The following ROBO1 variants were observed in gnomAD, a reference collection of about 807,000 sequenced individuals.
The protein encoded by ROBO1 is roundabout homolog 1.
Under a neutral mutation model 195.9 loss-of-function variants are expected in ROBO1, and 149 were observed. The ratio of observed to expected loss-of-function variants is 0.76; its 90% confidence interval spans 0.67 to 0.87. ROBO1 has a LOEUF of 0.87. Ranked by LOEUF, ROBO1 falls within the 40% of genes least tolerant of loss-of-function variation. The pLI is 0.00. For missense variants in ROBO1, 1,933 were observed against 2,068.3 expected (o/e 0.93, Z 1.27); for synonymous variants, 816 against 733.2 (o/e 1.11, Z -1.82).
chr3:79,267,974 G>A (rs2030144495), intron 2 of ROBO1, among the ~76,000 whole-genome samples: 1 of 151,488 alleles, frequency 6.6e-6, no homozygotes, highest in Non-Finnish European at 1.5e-5. Flanking sequence ...CATCATCCAT[G>A]GGAAAATCAT....
At chr3:79,500,757 T>C (rs1159383606) in intron 2 of ROBO1, among the ~76,000 whole-genome samples, 1 of 152,188 alleles carries the variant, frequency 6.6e-6, no homozygotes, top group Non-Finnish European at 1.5e-5. Context: ...ACTTGCCTAC[T>C]TACCACTTTT....
intron 1 of ROBO1, among the ~76,000 whole-genome samples, chr3:79,745,536 G>C (rs1014353855): frequency 6.6e-6 from 1 of 152,186 alleles, no homozygotes. Context: ...TGTGGAGCCA[G>C]ACACAGCTAG....
intron 3 of ROBO1, among the ~76,000 whole-genome samples, chr3:79,088,009 G>T (rs1261455289): frequency 1.3e-5 from 2 of 152,016 alleles, no homozygotes; most frequent in Admixed American, 1.3e-4. Context: ...TTTTGGAAAG[G>T]AAAAAGGTTC....
At chr3:79,259,009 T>A (rs1209945818) in intron 2 of ROBO1, among the ~76,000 whole-genome samples, 1 of 152,136 alleles carries the variant, frequency 6.6e-6, no homozygotes, top group African/African-American at 2.4e-5. Context: ...ACCACATATA[T>A]AATTTGTTAA....
chr3:79,670,934 T>C (rs1946614468), intron 1 of ROBO1, among the ~76,000 whole-genome samples: 1 of 151,872 alleles, frequency 6.6e-6, no homozygotes. Context: ...TGTAATTGCT[T>C]TGAATAACTG....
chr3:79,287,771 G>A (rs1010042348), intron 2 of ROBO1, among the ~76,000 whole-genome samples: 5 of 152,110 alleles, frequency 3.3e-5, no homozygotes, highest in Admixed American at 3.3e-4. Flanking sequence ...AAAGAAAGGG[G>A]AAAATTTAAA....
chr3:79,077,106 T>A (rs1180872528), intron 3 of ROBO1, among the ~76,000 whole-genome samples: 1 of 151,896 alleles, frequency 6.6e-6, no homozygotes, highest in Non-Finnish European at 1.5e-5. Flanking sequence ...AACACATCCA[T>A]CAGCACTCAT....
chr3:79,584,769 AG>A (rs1272049521), intron 2 of ROBO1, among the ~76,000 whole-genome samples: 4 of 151,238 alleles, frequency 2.6e-5, no homozygotes, highest in Non-Finnish European at 5.9e-5. Context: ...CACCACAAGC[AG>A]AAGATCTCTT....
chr3:78,629,737 G>A (rs1436966544), intron 25 of ROBO1, among the ~76,000 whole-genome samples: 1 of 151,930 alleles, frequency 6.6e-6, no homozygotes, highest in Non-Finnish European at 1.5e-5. Flanking sequence ...CTGCAAATTC[G>A]CTGACTTGGT....
intron 11 of ROBO1, 52 bp from the exon 12 acceptor site, chr3:78,668,617 G>C (rs1187544691): frequency 5.8e-6 from 9 of 1,552,538 alleles, no homozygotes; most frequent in Non-Finnish European, 8.0e-6. Context: ...AACTCACTGG[G>C]CTGGAAAAGC....
In ROBO1 at chr3:79,379,456, C is replaced by A. The variant is rs114042790; in HGVS notation, c.88+210368G>T. Among the ~76,000 whole-genome samples, 190 of 152,222 alleles carry A rather than the reference C, an allele frequency of 1.2e-3. 1 individual carries two copies. The Middle Eastern group carries it at 0.017, about 14-fold the overall frequency. The stretch of plus-strand genomic sequence containing the variant: ...CCATGAGTTCATCATGTCTGGTAGG[C>A]ATTATCCCTTCAGGTCAGAACCAGA... On this transcript the variant is annotated intron_variant, in intron 2 of 30. Coordinates refer to ENST00000464233, the MANE Select transcript of ROBO1 (RefSeq NM_002941.4).
chr3:79,165,181 T>C (rs1427045326), intron 2 of ROBO1, among the ~76,000 whole-genome samples: 2 of 152,184 alleles, frequency 1.3e-5, no homozygotes, highest in Non-Finnish European at 2.9e-5. Context: ...AGATGTTCAA[T>C]AAATATTTAT....
intron 21 of ROBO1, among the ~76,000 whole-genome samples, chr3:78,641,275 C>A (rs1255070495): frequency 3.3e-5 from 5 of 152,102 alleles, no homozygotes. Context: ...GAGTGAGTGG[C>A]AGAGCTGAAA....
intron 1 of ROBO1, among the ~76,000 whole-genome samples, chr3:79,687,924 T>A (rs1310180694): frequency 2.0e-5 from 3 of 152,110 alleles, no homozygotes; most frequent in Admixed American, 2.0e-4. Flanking sequence ...CGCACATGTA[T>A]GTTTCTTGTG....
At chr3:79,503,905 A>G (rs778874338) in intron 2 of ROBO1, among the ~76,000 whole-genome samples, 7 of 152,166 alleles carry the variant, frequency 4.6e-5, no homozygotes, top group Non-Finnish European at 1.0e-4. Flanking sequence ...TTTAGGAAGG[A>G]AGTTTCATAT....
chr3:79,405,363 G>C (rs2037508141), intron 2 of ROBO1, among the ~76,000 whole-genome samples: 1 of 152,164 alleles, frequency 6.6e-6, no homozygotes, highest in Non-Finnish European at 1.5e-5. Flanking sequence ...AGTGACAATT[G>C]TATGTTATGA....
At chr3:79,581,318 T>C (rs1367360312) in intron 2 of ROBO1, among the ~76,000 whole-genome samples, 1 of 152,124 alleles carries the variant, frequency 6.6e-6, no homozygotes, top group Non-Finnish European at 1.5e-5. Context: ...CTGCAATGCA[T>C]TCTGATGGCT....
intron 2 of ROBO1, among the ~76,000 whole-genome samples, chr3:79,137,528 A>C (rs2080434828): frequency 6.6e-6 from 1 of 152,080 alleles, no homozygotes; most frequent in African/African-American, 2.4e-5. Flanking sequence ...ATCACAAGTA[A>C]TGTTTATATA....
intron 3 of ROBO1, among the ~76,000 whole-genome samples, chr3:79,120,279 G>A (rs962840529): frequency 2.0e-5 from 3 of 152,118 alleles, no homozygotes; most frequent in African/African-American, 7.2e-5. Flanking sequence ...TAGCAATTCC[G>A]AAGGATAGCA....
Sources: allele counts gnomAD v4.1 joint callset (sites outside exome capture counted in the v4.1 genomes callset), GRCh38; gene constraint gnomAD v4.1.1; transcripts MANE v1.5; gene names NCBI Gene and HGNC (gene_info 2026-07-23, HGNC 2026-07-21).